The following ZNF385B variants were observed in gnomAD, a reference collection of about 807,000 sequenced individuals.
ZNF385B encodes zinc finger protein 385B.
ZNF385B carries 23 observed loss-of-function variants against 39.2 expected under a neutral mutation model. The observed-to-expected ratio is 0.59, with a 90% CI of 0.42 to 0.83. ZNF385B has a LOEUF of 0.83. Ranked by LOEUF, ZNF385B falls within the 40% of genes least tolerant of loss-of-function variation. The pLI is 0.00. For synonymous variants in ZNF385B, 205 were observed against 222.6 expected (o/e 0.92, Z 0.70); for missense variants, 552 against 598.9 (o/e 0.92, Z 0.82).
At chr2:179,538,187 T>G (rs938404608) in intron 4 of ZNF385B, among the ~76,000 whole-genome samples, 1 of 152,158 alleles carries the variant, frequency 6.6e-6, no homozygotes, top group Admixed American at 6.5e-5. Context: ...TACATAATTT[T>G]TAATGACAGC....
intron 3 of ZNF385B, among the ~76,000 whole-genome samples, chr2:179,687,438 A>G (rs1180943761): frequency 3.9e-5 from 6 of 152,080 alleles, no homozygotes; most frequent in African/African-American, 1.4e-4. Flanking sequence ...AATTATGGGC[A>G]TGGACTTTGT....
intron 3 of ZNF385B, among the ~76,000 whole-genome samples, chr2:179,653,951 A>C (rs1008849013): frequency 1.3e-5 from 2 of 152,214 alleles, no homozygotes; most frequent in Non-Finnish European, 2.9e-5. Flanking sequence ...AGACATAGAG[A>C]TGCACAATGG....
intron 3 of ZNF385B, among the ~76,000 whole-genome samples, chr2:179,565,978 C>T (rs1043452218): frequency 7.2e-5 from 11 of 152,200 alleles, no homozygotes; most frequent in African/African-American, 2.4e-4. Context: ...GAGCTCTAAG[C>T]TCTTCTGGCT....
intron 1 of ZNF385B, among the ~76,000 whole-genome samples, chr2:179,781,829 T>C (rs1409509043): frequency 1.3e-5 from 2 of 152,096 alleles, no homozygotes; most frequent in Non-Finnish European, 2.9e-5. Flanking sequence ...GAATCAGTTG[T>C]AAATAGCATA....
At chr2:179,565,394 G>A (rs758152874) in intron 3 of ZNF385B, among the ~76,000 whole-genome samples, 2 of 152,162 alleles carry the variant, frequency 1.3e-5, no homozygotes, top group Non-Finnish European at 2.9e-5. Context: ...GAACACTGAA[G>A]GATTTAGTGA....
chr2:179,518,273 TA>T (rs1354719310), intron 5 of ZNF385B, among the ~76,000 whole-genome samples: 3 of 152,190 alleles, frequency 2.0e-5, no homozygotes, highest in African/African-American at 7.2e-5. Flanking sequence ...AATGTTATTC[TA>T]AAAAATATTT....
At chr2:179,658,205 AAACAAAATGGTG>A (rs1466261193) in intron 3 of ZNF385B, among the ~76,000 whole-genome samples, 1 of 152,200 alleles carries the variant, frequency 6.6e-6, no homozygotes, top group African/African-American at 2.4e-5. Context: ...GGTAAATGAT[AAACAAAATGGTG>A]AACACTTCAC....
At chr2:179,562,425 T>C in intron 3 of ZNF385B, 1 of 985,442 alleles carries the variant, frequency 1.0e-6, no homozygotes, top group Non-Finnish European at 1.2e-6. Flanking sequence ...ACAGTCCACG[T>C]TCACGTCTGC....
chr2:179,777,924 C>T (rs1704436034), intron 1 of ZNF385B, among the ~76,000 whole-genome samples: 1 of 152,030 alleles, frequency 6.6e-6, no homozygotes, highest in South Asian at 2.1e-4. Flanking sequence ...AGGCATGTGC[C>T]ACCATGCCCG....
chr2:179,772,376 G>T (rs182989955), intron 1 of ZNF385B, among the ~76,000 whole-genome samples: 518 of 152,224 alleles, frequency 3.4e-3, no homozygotes, highest in South Asian at 7.1e-3. Flanking sequence ...GGCCACTCTA[G>T]AAAAGACCCA....
chr2:179,722,129 A>G (rs1700733766), intron 3 of ZNF385B, among the ~76,000 whole-genome samples: 1 of 152,148 alleles, frequency 6.6e-6, no homozygotes, highest in Non-Finnish European at 1.5e-5. Flanking sequence ...CATGTAAAAT[A>G]CCTAGAAGTA....
intron 5 of ZNF385B, among the ~76,000 whole-genome samples, chr2:179,500,050 T>A (rs1445585287): frequency 6.6e-6 from 1 of 151,824 alleles, no homozygotes; most frequent in Non-Finnish European, 1.5e-5. Context: ...TAGCCACACA[T>A]AAAATTAAAT....
chr2:179,808,526 A>C (rs570388651), intron 1 of ZNF385B, among the ~76,000 whole-genome samples: 2 of 152,352 alleles, frequency 1.3e-5, no homozygotes, highest in South Asian at 2.1e-4. Context: ...GAGGTTTAAT[A>C]AAATTGGGTG....
chr2:179,662,782 C>T (rs1694647915), intron 3 of ZNF385B, among the ~76,000 whole-genome samples: 1 of 152,002 alleles, frequency 6.6e-6, no homozygotes, highest in Non-Finnish European at 1.5e-5. Flanking sequence ...TGCTTTTTAT[C>T]TTTATTAATG....
chr2:179,446,671 C>T lies in ZNF385B; in HGVS notation c.815G>A (p.Gly272Glu), dbSNP rs1360876218. 6.2e-7 allele frequency: 1 copy of T among 1,614,062 alleles called. No individual in the cohort carries two copies. The highest frequency in any genetic ancestry group is 1.3e-5 in the African/African-American group (1 of 75,012). Residue 272 changes from glycine (G) to glutamate (E), a missense_variant, in exon 7 of 10, where the codon GGA (glycine) becomes GAA (glutamate). Coordinates refer to ENST00000410066, the MANE Select transcript of ZNF385B (RefSeq NM_152520.6). ...LKSGTTPLPP[G>E]AATSPSKSTN... ...GCTCTTGGAGGGAGAAGTGGCTGCT[C>T]CAGGTGGCAGGGGTGTTGTGCCAGA...
At chr2:179,827,678 C>T (rs1321858767) in intron 1 of ZNF385B, among the ~76,000 whole-genome samples, 1 of 152,330 alleles carries the variant, frequency 6.6e-6, no homozygotes, top group South Asian at 2.1e-4. Flanking sequence ...CTATTAAATG[C>T]TGCCTTCACT....
intron 3 of ZNF385B, among the ~76,000 whole-genome samples, chr2:179,737,338 G>A (rs1701825012): frequency 6.6e-6 from 1 of 152,126 alleles, no homozygotes; most frequent in South Asian, 2.1e-4. Context: ...AATAATAGTT[G>A]GAAATGGGTA....
intron 1 of ZNF385B, among the ~76,000 whole-genome samples, chr2:179,800,787 C>T (rs939948108): frequency 2.0e-5 from 3 of 152,094 alleles, no homozygotes; most frequent in Non-Finnish European, 4.4e-5. Flanking sequence ...GAATTTGCCA[C>T]ATTTACATCA....
In ZNF385B at chr2:179,522,849, T is replaced by C. The variant is rs1291356966; in HGVS notation, c.442-4211A>G. Reference sequence around the variant, plus strand: ...TGCTTTTTTAAAGAAAAAAATACCCTATCACATAGATCTAGCTACCAATAT... The same window carrying C: ...TGCTTTTTTAAAGAAAAAAATACCCCATCACATAGATCTAGCTACCAATAT... On this transcript the variant is annotated intron_variant, in intron 4 of 9. Transcript: ENST00000410066. 3 of 417,804 alleles carry C rather than the reference T, an allele frequency of 7.2e-6. No homozygotes were observed. In the Admixed American group the frequency reaches 9.2e-5, roughly 13 times the overall value. The allele number at this position is 417,804 out of a possible 1,614,324, so 25.9% of individuals were successfully genotyped here.
Sources: allele counts gnomAD v4.1 joint callset (sites outside exome capture counted in the v4.1 genomes callset), GRCh38; gene constraint gnomAD v4.1.1; transcripts MANE v1.5; gene names NCBI Gene and HGNC (gene_info 2026-07-23, HGNC 2026-07-21).